The following STIM1 variants were observed in gnomAD, a reference collection of about 807,000 sequenced individuals.
STIM1 encodes stromal interaction molecule 1.
STIM1 carries 25 observed loss-of-function variants against 74.7 expected under a neutral mutation model. That is an observed-to-expected ratio of 0.33 (90% CI 0.24 to 0.47). The LOEUF (loss-of-function observed/expected upper bound fraction) is 0.47, where lower values mean the gene tolerates loss of function less well. STIM1 is among the 20% of genes least tolerant of loss of function. STIM1 has a pLI of 1.00. For synonymous variants in STIM1, 328 were observed against 348.8 expected, an observed-to-expected ratio of 0.94 and a Z score of 0.66; for missense variants, 728 against 920.8, an observed-to-expected ratio of 0.79 and a Z score of 2.71.
intron 2 of STIM1, among the ~76,000 whole-genome samples, chr11:3,991,722 G>A (rs1042978550): frequency 1.3e-5 from 2 of 151,384 alleles, no homozygotes; most frequent in African/African-American, 2.4e-5. Context: ...GCTGAGGCGG[G>A]TGGATCACCT....
intron 1 of STIM1, among the ~76,000 whole-genome samples, chr11:3,890,573 T>A (rs543076152): frequency 5.3e-5 from 8 of 152,116 alleles, no homozygotes; most frequent in Non-Finnish European, 1.2e-4. Context: ...CCGGGCATGG[T>A]GGCACACGCC....
chr11:3,862,698 G>T (rs557483651), intron 1 of STIM1, among the ~76,000 whole-genome samples: 17 of 152,040 alleles, frequency 1.1e-4, no homozygotes, highest in African/African-American at 2.9e-4. Context: ...TGTCCGCCTT[G>T]GCCTCCCAAA....
chr11:3,921,564 G>A (rs1404573672), intron 1 of STIM1, among the ~76,000 whole-genome samples: 1 of 152,060 alleles, frequency 6.6e-6, no homozygotes, highest in Non-Finnish European at 1.5e-5. Flanking sequence ...CTCCACAGTG[G>A]GTACTGTCAC....
At chr11:4,034,955 C>G (rs1377270846) in intron 3 of STIM1, among the ~76,000 whole-genome samples, 1 of 152,112 alleles carries the variant, frequency 6.6e-6, no homozygotes, top group Non-Finnish European at 1.5e-5. Flanking sequence ...TGTCTCATTA[C>G]TGATCTTAAT....
At chr11:3,905,477 T>C (rs2092450546) in intron 1 of STIM1, among the ~76,000 whole-genome samples, 1 of 152,006 alleles carries the variant, frequency 6.6e-6, no homozygotes, top group East Asian at 1.9e-4. Context: ...CACATCTCCC[T>C]GAATACTTCA....
chr11:3,982,169 G>A (rs60990964), intron 2 of STIM1, among the ~76,000 whole-genome samples: 60,743 of 151,422 alleles, frequency 0.4, 13,414 homozygotes, highest in Admixed American at 0.5. Flanking sequence ...TGGGACTACA[G>A]GTGCACGCCA....
In STIM1 at chr11:3,856,252, T is replaced by C; in HGVS notation, c.-19T>C. ...CCGAGGTGTCCACATCAGACGCATG[T>C]TGACTGAGACCTAGAGTCATGGATG... On this transcript the variant is annotated 5_prime_UTR_variant, in exon 1 of 13. Coordinates refer to ENST00000526596, the MANE Select transcript of STIM1 (RefSeq NM_001382567.1). The C allele has an allele frequency of 1.2e-6, 2 of 1,613,944 alleles. No homozygotes were observed. Among genetic ancestry groups the C allele is most frequent in the Non-Finnish European group, 1.7e-6 (2 of 1,180,014 alleles).
chr11:3,857,866 G>A (rs577877215), intron 1 of STIM1, among the ~76,000 whole-genome samples: 2 of 152,292 alleles, frequency 1.3e-5, no homozygotes, highest in African/African-American at 4.8e-5. Flanking sequence ...ATGAGGCCAG[G>A]GTTGCCCATG....
chr11:3,964,232 T>C (rs1261459541), intron 1 of STIM1, among the ~76,000 whole-genome samples: 1 of 152,198 alleles, frequency 6.6e-6, no homozygotes, highest in Non-Finnish European at 1.5e-5. Flanking sequence ...TCTTTGAAGG[T>C]ATTTCCAGAT....
At chr11:3,969,606 T>C (rs905936032) in intron 2 of STIM1, among the ~76,000 whole-genome samples, 3 of 152,208 alleles carry the variant, frequency 2.0e-5, no homozygotes, top group African/African-American at 7.2e-5. Flanking sequence ...ATAGACTTCC[T>C]GTATAAAAAG....
chr11:4,077,299 A>G (rs1474174873), intron 7 of STIM1, among the ~76,000 whole-genome samples: 2 of 151,954 alleles, frequency 1.3e-5, no homozygotes, highest in African/African-American at 4.8e-5. Flanking sequence ...ACTGGACTCC[A>G]AAAATAGATA....
At chr11:4,012,136 A>T (rs573800239) in intron 2 of STIM1, among the ~76,000 whole-genome samples, 1 of 152,196 alleles carries the variant, frequency 6.6e-6, no homozygotes, top group East Asian at 1.9e-4. Context: ...GCCTTGTAGC[A>T]TAGTTTGAAG....
intron 1 of STIM1, among the ~76,000 whole-genome samples, chr11:3,952,163 C>G (rs566937231): frequency 6.6e-6 from 1 of 152,256 alleles, no homozygotes; most frequent in South Asian, 2.1e-4. Flanking sequence ...CCTGTAATCC[C>G]AGCACTTTGG....
chr11:3,944,621 C>A (rs753182980), intron 1 of STIM1, among the ~76,000 whole-genome samples: 4 of 152,226 alleles, frequency 2.6e-5, no homozygotes, highest in Non-Finnish European at 4.4e-5. Flanking sequence ...AAGAGACTTT[C>A]TTCTGTCACC....
chr11:3,895,608 C>CTCTCTTTCTTTCTTTCTT (rs1565104460), intron 1 of STIM1, among the ~76,000 whole-genome samples: 15 of 53,124 alleles, frequency 2.8e-4, no homozygotes, highest in Admixed American at 7.6e-4. Context: ...TTCTTTCTCT[C>CTCTCTTTCTTTCTTTCTT]TCTTTCTTTC....
chr11:4,010,649 A>G (rs1159323582), intron 2 of STIM1, among the ~76,000 whole-genome samples: 1 of 152,192 alleles, frequency 6.6e-6, no homozygotes, highest in African/African-American at 2.4e-5. Flanking sequence ...TCAGAGAGGC[A>G]AAGTAGCTTG....
chr11:3,919,429 TCCTGACCTCAGGTGATCCA>T (rs2092691119), intron 1 of STIM1, among the ~76,000 whole-genome samples: 1 of 152,148 alleles, frequency 6.6e-6, no homozygotes, highest in African/African-American at 2.4e-5. Flanking sequence ...GGTCTCGAAC[TCCTGACCTCAGGTGATCCA>T]CCTGCCTCTG....
intron 1 of STIM1, among the ~76,000 whole-genome samples, chr11:3,888,941 G>A (rs978480242): frequency 2.0e-5 from 3 of 151,706 alleles, no homozygotes. Context: ...TTTACTATGG[G>A]GGTGGAGCTC....
At chr11:3,918,353 C>CA (rs2092675326) in intron 1 of STIM1, among the ~76,000 whole-genome samples, 1 of 151,860 alleles carries the variant, frequency 6.6e-6, no homozygotes, top group Non-Finnish European at 1.5e-5. Context: ...CGCATCTCTA[C>CA]AAAAAATACA....
Sources: gnomAD v4.1 joint callset for allele counts (sites outside exome capture counted in the v4.1 genomes callset) on GRCh38, gnomAD v4.1.1 for gene constraint, MANE v1.5 for transcripts, NCBI Gene and HGNC (gene_info 2026-07-23, HGNC 2026-07-21) for gene names.